The following CRIM1 variants were observed in gnomAD, a reference collection of about 807,000 sequenced individuals.
CRIM1 encodes cysteine-rich motor neuron 1 protein.
A neutral mutation model predicts 116.4 loss-of-function variants in CRIM1; 32 were observed. That is an observed-to-expected ratio of 0.27 (90% CI 0.21 to 0.37). The LOEUF (loss-of-function observed/expected upper bound fraction) is 0.37, where lower values mean the gene tolerates loss of function less well. Ranked by LOEUF, CRIM1 falls within the 10% of genes least tolerant of loss-of-function variation. The pLI is 1.00. For missense variants in CRIM1, 1,331 were observed against 1,354.8 expected (o/e 0.98, Z 0.28); for synonymous variants, 590 against 509.2 (o/e 1.16, Z -2.13).
At chr2:36,504,606 T>G (rs921197652) in intron 8 of CRIM1, among the ~76,000 whole-genome samples, 2 of 152,222 alleles carry the variant, frequency 1.3e-5, no homozygotes, top group Non-Finnish European at 2.9e-5. Flanking sequence ...CTGACTCAGT[T>G]CCTCAAAAAC....
At chr2:36,418,101 G>A (rs181485628) in intron 2 of CRIM1, among the ~76,000 whole-genome samples, 219 of 152,296 alleles carry the variant, frequency 1.4e-3, no homozygotes, top group Non-Finnish European at 2.2e-3. Flanking sequence ...AAGGGAACAG[G>A]TGCAGGTTAG....
In CRIM1 at chr2:36,407,602, C is replaced by G. The variant is rs185496803; in HGVS notation, c.505+10815C>G. Among the ~76,000 whole-genome samples, 412 of 151,070 alleles carry G rather than the reference C, an allele frequency of 2.7e-3. 1 individual carries two copies. Among genetic ancestry groups the G allele is most frequent in the Middle Eastern group, 0.021 (6 of 292 alleles). ...AAACTCAGGGAACTTGGCCTGAGAC[C>G]AGTTGGAGAGGAGCAGTTGTTGGTT... On this transcript the variant is annotated intron_variant, in intron 2 of 16. Transcript: ENST00000280527.
chr2:36,536,408 T>G (rs1377549451), intron 13 of CRIM1, among the ~76,000 whole-genome samples: 2 of 152,162 alleles, frequency 1.3e-5, no homozygotes, highest in African/African-American at 2.4e-5. Flanking sequence ...GTGGCGCTGC[T>G]TGTAGAATCT....
intron 5 of CRIM1, among the ~76,000 whole-genome samples, chr2:36,468,639 A>T (rs1208191146): frequency 6.6e-6 from 1 of 152,252 alleles, no homozygotes; most frequent in East Asian, 1.9e-4. Context: ...ACCTTCGTCA[A>T]GAACCCACTG....
Position 36,476,977 on chromosome 2 carries a change from A to G in CRIM1, c.1080A>G (p.Gln360=), listed in dbSNP as rs940262569. Residue 360 remains glutamine, a synonymous_variant, in exon 6 of 17, where the codon CAA becomes CAG. Coordinates refer to ENST00000280527, the MANE Select transcript of CRIM1 (RefSeq NM_016441.3). Reference sequence around the variant, plus strand: ...ACAACTGTCGGTTCTGTCGATGCCAAGGGGGCGTTGCCATCTGCTTCACCG... The same window carrying G: ...ACAACTGTCGGTTCTGTCGATGCCAGGGGGGCGTTGCCATCTGCTTCACCG... ...RMDNCRFCRC[Q]GGVAICFTAQ... The G allele has an allele frequency of 5.0e-6, 8 of 1,614,004 alleles. No homozygotes were observed. The highest frequency in any genetic ancestry group is 2.7e-5 in the African/African-American group (2 of 74,944).
intron 6 of CRIM1, among the ~76,000 whole-genome samples, chr2:36,479,049 T>C (rs1463345643): frequency 2.6e-5 from 4 of 152,106 alleles, no homozygotes; most frequent in Non-Finnish European, 4.4e-5. Context: ...TGAGATAGAG[T>C]TTTAGAAGTA....
intron 7 of CRIM1, 112 bp from the exon 8 acceptor site, chr2:36,499,107 C>CA (rs1446742862): frequency 3.1e-5 from 24 of 767,904 alleles, no homozygotes; most frequent in Non-Finnish European, 4.8e-5. Flanking sequence ...GATTTGATGA[C>CA]AATTACTGAT....
At chr2:36,505,720 A>G (rs1329789923) in intron 8 of CRIM1, among the ~76,000 whole-genome samples, 3 of 138,614 alleles carry the variant, frequency 2.2e-5, no homozygotes, top group East Asian at 2.2e-4. Flanking sequence ...TGAGTTATAT[A>G]TACATTTAAG....
At position 36,512,343 on chromosome 2, in the gene CRIM1, C is replaced by G. The variant is rs559607048; in HGVS notation, c.1729C>G (p.Pro577Ala). The G allele has an allele frequency of 1.4e-5, 23 of 1,613,848 alleles. No homozygotes were observed. The East Asian group carries it at 1.8e-4, about 13-fold the overall frequency. Residue 577 changes from proline (P) to alanine (A), a missense_variant, in exon 10 of 17, where the codon CCC (proline) becomes GCC (alanine). By Grantham distance (27) the Pro-to-Ala change is conservative (BLOSUM62 -1). Transcript: ENST00000280527. ...AGAGCTCTCATGCAGTAAGATCTGC[C>G]CCTTGGGTTTCCAGCAGGACAGTCA... is the stretch of plus-strand genomic sequence containing the variant. ...CPELSCSKICPLGFQQDSHGC... is the reference protein window; with the variant it reads ...CPELSCSKICALGFQQDSHGC...
intron 2 of CRIM1, among the ~76,000 whole-genome samples, chr2:36,412,226 T>G (rs1673264469): frequency 6.9e-6 from 1 of 144,734 alleles, no homozygotes; most frequent in Non-Finnish European, 1.5e-5. Context: ...AGAACTCCAG[T>G]AAGCAAAAGG....
intron 1 of CRIM1, among the ~76,000 whole-genome samples, chr2:36,381,369 G>A (rs908598607): frequency 2.6e-5 from 4 of 152,214 alleles, no homozygotes; most frequent in East Asian, 1.9e-4. Flanking sequence ...GCAGGGAGCC[G>A]GCAGGTTTCC....
intron 1 of CRIM1, among the ~76,000 whole-genome samples, chr2:36,380,402 C>T (rs1312369369): frequency 2.6e-5 from 4 of 152,136 alleles, no homozygotes; most frequent in Non-Finnish European, 5.9e-5. Context: ...CACAGTTGTC[C>T]AGTCCCATCA....
intron 13 of CRIM1, among the ~76,000 whole-genome samples, chr2:36,523,482 C>A (rs1472106767): frequency 6.6e-6 from 1 of 152,182 alleles, no homozygotes; most frequent in Non-Finnish European, 1.5e-5. Flanking sequence ...AGATGCTGTT[C>A]CGAGGTCCAA....
chr2:36,524,271 A>G (rs1261138674), intron 13 of CRIM1, among the ~76,000 whole-genome samples: 1 of 152,182 alleles, frequency 6.6e-6, no homozygotes, highest in Admixed American at 6.5e-5. Context: ...ATCAAGGCAT[A>G]TATCCAATTT....
intron 2 of CRIM1, among the ~76,000 whole-genome samples, chr2:36,402,095 G>T (rs1384604502): frequency 6.6e-6 from 1 of 152,194 alleles, no homozygotes; most frequent in Non-Finnish European, 1.5e-5. Flanking sequence ...TGCACCAAGG[G>T]TGTCTCCTAG....
intron 10 of CRIM1, 53 bp from the exon 11 acceptor site, chr2:36,513,503 G>C (rs1664828225): frequency 1.4e-6 from 2 of 1,470,568 alleles, no homozygotes; most frequent in African/African-American, 1.4e-5. Context: ...TCTGTAGCCT[G>C]TTTCTCCTGT....
chr2:36,379,820 G>A (rs1281720444), intron 1 of CRIM1, among the ~76,000 whole-genome samples: 1 of 141,060 alleles, frequency 7.1e-6, no homozygotes, highest in Non-Finnish European at 1.5e-5. Flanking sequence ...TGTTTTTGTA[G>A]GATCATATTA....
intron 1 of CRIM1, among the ~76,000 whole-genome samples, chr2:36,381,841 T>C (rs1483212392): frequency 6.6e-6 from 1 of 152,214 alleles, no homozygotes; most frequent in Non-Finnish European, 1.5e-5. Context: ...CCCATTTGGA[T>C]ACCCCAGTGC....
chr2:36,442,334 T>C (rs569046251), intron 3 of CRIM1, among the ~76,000 whole-genome samples: 1 of 152,236 alleles, frequency 6.6e-6, no homozygotes, highest in South Asian at 2.1e-4. Flanking sequence ...CAGAAATGCC[T>C]CTGGCTAACT....
Sources: gnomAD v4.1 joint callset for allele counts (sites outside exome capture counted in the v4.1 genomes callset) on GRCh38, gnomAD v4.1.1 for gene constraint, MANE v1.5 for transcripts, NCBI Gene and HGNC (gene_info 2026-07-23, HGNC 2026-07-21) for gene names.